FASTKD1: variants seen among roughly 807,000 people sequenced by gnomAD.
FASTKD1 encodes the protein FAST kinase domains 1.
FASTKD1 carries 94 observed loss-of-function variants against 90.9 expected under a neutral mutation model. The observed-to-expected ratio is 1.03, with a 90% CI of 0.88 to 1.23. The LOEUF is 1.23. Among genes scored for constraint, FASTKD1 ranks in the 50% most tolerant of loss-of-function variants. The pLI, the probability that FASTKD1 is intolerant of heterozygous loss-of-function variation, is 0.00. For missense variants in FASTKD1, 945 were observed against 993.5 expected (o/e 0.95, Z 0.66); for synonymous variants, 319 against 345.8 (o/e 0.92, Z 0.86).
rs763566011 is a variant in FASTKD1, at chr2:169,544,725, G to A, written c.1812C>T (p.Tyr604=). The A allele has an allele frequency of 1.2e-5, 19 of 1,561,080 alleles. No individual in the cohort carries two copies. In the Admixed American group the frequency reaches 2.8e-4, roughly 23 times the overall value. ...ATTACCAAACAATATACCTACCTAA[G>A]TAAGAATTAAGATGTTGCACGCAAG... ...LGTCVQHLNS[Y]LGILDPFILV... Residue 604 remains tyrosine, a synonymous_variant, in exon 9 of 15, where the codon TAC becomes TAT. Transcript: ENST00000453153.
intron 8 of FASTKD1, 95 bp from the exon 9 acceptor site, chr2:169,544,930 C>A: frequency 1.5e-6 from 1 of 647,574 alleles, no homozygotes; most frequent in Non-Finnish European, 2.7e-6. Flanking sequence ...CTTTTCCTAT[C>A]ATCGCTACAG....
rs756785024 is a variant in FASTKD1, at chr2:169,546,342, T to C, written c.1577A>G (p.His526Arg). The change falls in exon 8 of 15, where the codon CAT becomes CGT. Residue 526 changes from histidine to arginine, a missense_variant. His to Arg is a conservative substitution (Grantham distance 29, BLOSUM62 0). Transcript: ENST00000453153. ...TATGTAATTAATATCATCCATGAAATGCTGTAAAGTAGCAATCATTTCTTC... is the reference window on the plus strand; with the variant it reads ...TATGTAATTAATATCATCCATGAAACGCTGTAAAGTAGCAATCATTTCTTC... Reference protein sequence around the residue: ...LLEEMIATLQHFMDDINYINV... With the variant: ...LLEEMIATLQRFMDDINYINV... 69 of 1,614,004 alleles carry C rather than the reference T, an allele frequency of 4.3e-5. No individual in the cohort carries two copies. Among genetic ancestry groups the C allele is most frequent in the Middle Eastern group, 3.3e-4 (2 of 6,084 alleles).
At chr2:169,566,977 T>A (rs1020896582) in intron 3 of FASTKD1, among the ~76,000 whole-genome samples, 1 of 152,080 alleles carries the variant, frequency 6.6e-6, no homozygotes, top group Admixed American at 6.5e-5. Context: ...TAGCTAGGTG[T>A]GGTGGCAGGT....
chr2:169,561,286 G>GAA (rs879933309), intron 4 of FASTKD1, among the ~76,000 whole-genome samples: 1 of 136,216 alleles, frequency 7.3e-6, no homozygotes, highest in East Asian at 2.1e-4. Context: ...CATCTCAAAA[G>GAA]AAAAAAAAAA....
intron 7 of FASTKD1, among the ~76,000 whole-genome samples, chr2:169,550,802 TG>T (rs1262609254): frequency 6.6e-6 from 1 of 152,248 alleles, no homozygotes; most frequent in Non-Finnish European, 1.5e-5. Context: ...GCCCAGTGCC[TG>T]ACACAACCAG....
At chr2:169,540,015 A>G in intron 10 of FASTKD1, 36 bp downstream of exon 10, 1 of 1,345,180 alleles carries the variant, frequency 7.4e-7, no homozygotes, top group Non-Finnish European at 1.0e-6. Flanking sequence ...ATAAAGTACA[A>G]CAGATAATTA....
Position 169,529,842 on chromosome 2 carries a change from C to A in FASTKD1, c.2527G>T (p.Val843Phe). Residue 843 changes from valine (V) to phenylalanine (F), a missense_variant, in exon 15 of 15, where the codon GTC (valine) becomes TTC (phenylalanine). By Grantham distance (50) the Val-to-Phe change is conservative. Coordinates refer to ENST00000453153, the MANE Select transcript of FASTKD1 (RefSeq NM_024622.6). ...AATAAAAACTACAAACATGACTTGACTTCTCCAAATATACATTCTCTCAGG... is the reference window on the plus strand; with the variant it reads ...AATAAAAACTACAAACATGACTTGAATTCTCCAAATATACATTCTCTCAGG... ...DYLRECIFGEVKSCL is the reference protein window; with the variant it reads ...DYLRECIFGEFKSCL The A allele has an allele frequency of 1.9e-6, 3 of 1,611,020 alleles. No individual in the cohort carries two copies. The highest frequency in any genetic ancestry group is 2.5e-6 in the Non-Finnish European group (3 of 1,178,170).
intron 3 of FASTKD1, among the ~76,000 whole-genome samples, chr2:169,565,163 C>T (rs1392872998): frequency 7.0e-6 from 1 of 143,264 alleles, no homozygotes; most frequent in African/African-American, 2.6e-5. Flanking sequence ...CATGTTGAGG[C>T]TGGTCTCGAA....
At chr2:169,543,377 C>T (rs1685043302) in intron 9 of FASTKD1, among the ~76,000 whole-genome samples, 2 of 152,028 alleles carry the variant, frequency 1.3e-5, no homozygotes, top group African/African-American at 2.4e-5. Context: ...GCAGGAGAAT[C>T]GCTTGAACCT....
At chr2:169,533,206 A>G (rs1327721976) in intron 12 of FASTKD1, among the ~76,000 whole-genome samples, 4 of 152,170 alleles carry the variant, frequency 2.6e-5, no homozygotes, top group African/African-American at 9.7e-5. Context: ...ATATTAAGAA[A>G]TTATTATTAA....
Position 169,571,933 on chromosome 2 carries a change from G to A in FASTKD1, c.97C>T (p.Pro33Ser), listed in dbSNP as rs2105448355. The change falls in exon 2 of 15, where the codon CCC (proline) becomes TCC (serine). Residue 33 changes from proline to serine, a missense_variant. Coordinates refer to ENST00000453153, the MANE Select transcript of FASTKD1 (RefSeq NM_024622.6). The part of the protein sequence containing the change: ...PFSWRVFQFR[P>S]ISCEPLIIQM... The stretch of plus-strand genomic sequence containing the variant: ...ATAATTAGTGGTTCACAACTGATGG[G>A]TCGAAATTGAAACACTCTCCAGGAG... The A allele has an allele frequency of 6.2e-7, 1 of 1,614,028 alleles. No homozygotes were observed. The highest frequency in any genetic ancestry group is 2.2e-5 in the East Asian group (1 of 44,846).
chr2:169,570,245 C>T (rs1684171550), intron 2 of FASTKD1, among the ~76,000 whole-genome samples: 2 of 152,162 alleles, frequency 1.3e-5, no homozygotes, highest in Non-Finnish European at 2.9e-5. Flanking sequence ...CCCCCTTGTA[C>T]AACTGCTGAA....
intron 3 of FASTKD1, among the ~76,000 whole-genome samples, chr2:169,564,675 A>AC (rs1553539440): frequency 6.6e-6 from 1 of 150,984 alleles, no homozygotes; most frequent in Non-Finnish European, 1.5e-5. Context: ...TATTCATTTT[A>AC]TTTTTTTTTA....
chr2:169,544,785 G>T lies in FASTKD1; in HGVS notation c.1752C>A (p.Asn584Lys), dbSNP rs1043730999. 1.2e-6 allele frequency: 2 copies of T among 1,612,992 alleles called. No individual in the cohort carries two copies. Among genetic ancestry groups the T allele is most frequent in the Non-Finnish European group, 1.7e-6 (2 of 1,179,180 alleles). ...ATTCATCCCTTTGAGGTGGATCATA[G>T]TTCAATACGCTGAATGGACGAATAA... Reference protein sequence around the residue: ...PAIIRPFSVLNYDPPQRDEFL... With the variant: ...PAIIRPFSVLKYDPPQRDEFL... Residue 584 changes from asparagine (N) to lysine (K), a missense_variant, in exon 9 of 15, where the codon AAC (asparagine) becomes AAA (lysine). Physicochemically the swap from Asn to Lys is moderately conservative, Grantham distance 94. Coordinates refer to ENST00000453153, the MANE Select transcript of FASTKD1 (RefSeq NM_024622.6).
At chr2:169,568,338 T>G (rs1684077976) in intron 3 of FASTKD1, among the ~76,000 whole-genome samples, 1 of 152,172 alleles carries the variant, frequency 6.6e-6, no homozygotes, top group Non-Finnish European at 1.5e-5. Flanking sequence ...CAAGAATCTT[T>G]CCTTTCTGAA....
intron 7 of FASTKD1, among the ~76,000 whole-genome samples, chr2:169,547,884 C>CAAAAAAAA (rs1158292826): frequency 0.012 from 263 of 21,344 alleles, 56 homozygotes; most frequent in Non-Finnish European, 0.019. Context: ...GACTCCATCT[C>CAAAAAAAA]AAAAAAAAAA....
At chr2:169,564,934 T>C (rs1683884036) in intron 3 of FASTKD1, among the ~76,000 whole-genome samples, 1 of 151,264 alleles carries the variant, frequency 6.6e-6, no homozygotes, top group Admixed American at 6.6e-5. Flanking sequence ...CCCCATTGTG[T>C]ATATATACCA....
intron 10 of FASTKD1, among the ~76,000 whole-genome samples, chr2:169,539,824 AAAG>A (rs1378407288): frequency 6.6e-6 from 1 of 152,158 alleles, no homozygotes; most frequent in East Asian, 1.9e-4. Flanking sequence ...GAAAGACAAA[AAAG>A]AAATACTCCA....
chr2:169,555,007 C>CTAA, intron 7 of FASTKD1, 117 bp downstream of exon 7: 1 of 896,252 alleles, frequency 1.1e-6, no homozygotes, highest in Non-Finnish European at 1.7e-6. Context: ...AACATTTTTA[C>CTAA]TAATAAGCTT....
Sources: allele counts gnomAD v4.1 joint callset (sites outside exome capture counted in the v4.1 genomes callset), GRCh38; gene constraint gnomAD v4.1.1; transcripts MANE v1.5; gene names NCBI Gene and HGNC (gene_info 2026-07-23, HGNC 2026-07-21).